Variants in HDAC9 observed in about 807,000 individuals in gnomAD.
The protein encoded by HDAC9 is MEF-2 interacting transcription repressor (MITR) protein.
Under a neutral mutation model 139.4 loss-of-function variants are expected in HDAC9, and 41 were observed. That is an observed-to-expected ratio of 0.29 (90% CI 0.23 to 0.38). The LOEUF (loss-of-function observed/expected upper bound fraction) is 0.38. HDAC9 is among the 10% of genes least tolerant of loss of function. The probability of loss-of-function intolerance (pLI) is 1.00; values close to 1 mark genes in which losing one functional copy is unlikely to be tolerated. For missense variants in HDAC9, 1,147 were observed against 1,297.0 expected (o/e 0.88, Z 1.78); for synonymous variants, 517 against 476.2 (o/e 1.09, Z -1.12).
rs115456527 is a variant in HDAC9, at chr7:18,314,391, G to A, written c.-42+23876G>A. 6.5e-3 allele frequency among the ~76,000 whole-genome samples: 997 copies of A among 152,248 alleles called. 13 individuals carry two copies. The highest frequency in any genetic ancestry group is 0.023 in the African/African-American group (961 of 41,552). On this transcript the variant is annotated intron_variant, in intron 1 of 3. Coordinates refer to the HDAC9 transcript ENST00000413509. ...CCAAGACAGAAAAACAGGAAAAGTC[G>A]GGGAGATAAATTATAAATTAGACTG...
chr7:18,141,491 A>G (rs1785893621), intron 1 of HDAC9, among the ~76,000 whole-genome samples: 1 of 152,158 alleles, frequency 6.6e-6, no homozygotes, highest in South Asian at 2.1e-4. Flanking sequence ...TTCAGAGAGC[A>G]ATATTAAATC....
intron 17 of HDAC9, among the ~76,000 whole-genome samples, chr7:18,809,363 G>A (rs902275791): frequency 4.6e-5 from 7 of 151,992 alleles, no homozygotes; most frequent in Non-Finnish European, 7.4e-5. Context: ...AAAAGCCTCT[G>A]CATAGCAAAG....
At chr7:18,452,416 G>A (rs1458913139) in intron 1 of HDAC9, among the ~76,000 whole-genome samples, 1 of 152,154 alleles carries the variant, frequency 6.6e-6, no homozygotes, top group Admixed American at 6.5e-5. Context: ...CCAATTGAGG[G>A]TCACAACCTG....
Position 18,266,735 on chromosome 7 carries a change from G to C in HDAC9, c.25+104386G>C, listed in dbSNP as rs192296396. 3.9e-5 allele frequency among the ~76,000 whole-genome samples: 6 copies of C among 152,206 alleles called. No homozygotes were observed. In the East Asian group the frequency reaches 1.2e-3, roughly 29 times the overall value. Reference sequence around the variant, plus strand: ...ACCACTGCCTTGATTGTTGATAATTGACAGCAGCAGTTTTACCTGCCATCA... The same window carrying C: ...ACCACTGCCTTGATTGTTGATAATTCACAGCAGCAGTTTTACCTGCCATCA... On this transcript the variant is annotated intron_variant, in intron 2 of 12. Transcript: ENST00000417496.
chr7:18,824,135 G>A (rs750266993), intron 17 of HDAC9, among the ~76,000 whole-genome samples: 17 of 152,070 alleles, frequency 1.1e-4, no homozygotes, highest in African/African-American at 1.9e-4. Flanking sequence ...ACCAGAGCCC[G>A]CTTTGTGAGT....
intron 2 of HDAC9, among the ~76,000 whole-genome samples, chr7:18,574,708 C>T (rs2128752950): frequency 6.6e-6 from 1 of 152,356 alleles, no homozygotes; most frequent in East Asian, 1.9e-4. Context: ...GAGGCCAAGA[C>T]GACAGGGGGC....
intron 1 of HDAC9, among the ~76,000 whole-genome samples, chr7:18,432,471 T>C (rs1171234233): frequency 4.6e-5 from 7 of 152,242 alleles, no homozygotes; most frequent in Non-Finnish European, 7.3e-5. Flanking sequence ...TAAATAAAAA[T>C]GGACATAGAT....
chr7:18,924,137 G>GA (rs771219982), intron 22 of HDAC9, among the ~76,000 whole-genome samples: 2,920 of 137,922 alleles, frequency 0.021, 81 homozygotes, highest in African/African-American at 0.067. Context: ...AAAAAGGAAG[G>GA]AAAAAAAAAA....
In HDAC9 at chr7:18,989,673, T is replaced by C. The variant is rs866562034; in HGVS notation, c.3171-6350T>C. Among the ~76,000 whole-genome samples the C allele has an allele frequency of 3.6e-3, 538 of 150,366 alleles. 1 individual carries two copies. The highest frequency in any genetic ancestry group is 5.5e-3 in the Non-Finnish European group (374 of 67,802). On this transcript the variant is annotated intron_variant, in intron 25 of 25. Transcript: ENST00000686413. Reference sequence around the variant, plus strand: ...TTTTCCAACTTGATTCCATTCTCCCTGTCACTTTCAGGTACACCAATCAGA... The same window carrying C: ...TTTTCCAACTTGATTCCATTCTCCCCGTCACTTTCAGGTACACCAATCAGA...
At chr7:18,718,153 C>T (rs1167601139) in intron 12 of HDAC9, among the ~76,000 whole-genome samples, 2 of 152,190 alleles carry the variant, frequency 1.3e-5, no homozygotes, top group Non-Finnish European at 1.5e-5. Flanking sequence ...TAGGCAACCA[C>T]TAGTCCACTT....
At chr7:18,671,688 C>G (rs1192636037) in intron 12 of HDAC9, among the ~76,000 whole-genome samples, 4 of 151,228 alleles carry the variant, frequency 2.6e-5, no homozygotes, top group Non-Finnish European at 5.9e-5. Context: ...AACCCCAACT[C>G]AAAAAAAAAT....
chr7:18,949,097 T>G (rs1231320580), intron 23 of HDAC9: 4 of 331,818 alleles, frequency 1.2e-5, no homozygotes, highest in Non-Finnish European at 2.3e-5. Flanking sequence ...TTTTTTCTGT[T>G]TTTTGAAGGA....
chr7:18,578,066 C>G (rs1016808538), intron 2 of HDAC9: 1 of 500,796 alleles, frequency 2.0e-6, no homozygotes, highest in Non-Finnish European at 4.0e-6. Flanking sequence ...CTTTTGGGAG[C>G]TAGAATCCCA....
intron 2 of HDAC9, among the ~76,000 whole-genome samples, chr7:18,513,767 C>A (rs1802322943): frequency 6.6e-6 from 1 of 152,158 alleles, no homozygotes; most frequent in South Asian, 2.1e-4. Context: ...TCCCTGCCAT[C>A]CTTAAAAATG....
chr7:18,841,017 C>G, intron 21 of HDAC9, among the ~76,000 whole-genome samples: 1 of 152,050 alleles, frequency 6.6e-6, no homozygotes. Context: ...CAATAATGGT[C>G]AGCCTAGAGA....
intron 1 of HDAC9, among the ~76,000 whole-genome samples, chr7:18,450,191 C>G (rs1291659069): frequency 6.6e-6 from 1 of 152,204 alleles, no homozygotes; most frequent in Non-Finnish European, 1.5e-5. Context: ...CCTTCCAACT[C>G]TGATTGCCTA....
intron 1 of HDAC9, among the ~76,000 whole-genome samples, chr7:18,487,102 A>C (rs1796029377): frequency 6.6e-6 from 1 of 152,046 alleles, no homozygotes; most frequent in South Asian, 2.1e-4. Context: ...TTTATATTGG[A>C]TATAAGGAAA....
intron 17 of HDAC9, among the ~76,000 whole-genome samples, chr7:18,802,343 C>T (rs1458245712): frequency 1.3e-5 from 2 of 151,824 alleles, no homozygotes; most frequent in African/African-American, 2.4e-5. Context: ...GTTATTGACT[C>T]AATTTAAATA....
At chr7:18,994,109 C>T (rs940259885) in intron 25 of HDAC9, among the ~76,000 whole-genome samples, 4 of 152,132 alleles carry the variant, frequency 2.6e-5, no homozygotes, top group African/African-American at 9.7e-5. Context: ...AGATCCTCCA[C>T]CACAGAGACA....
Sources: gnomAD v4.1 joint callset for allele counts (sites outside exome capture counted in the v4.1 genomes callset) on GRCh38, gnomAD v4.1.1 for gene constraint, MANE v1.5 for transcripts, NCBI Gene and HGNC (gene_info 2026-07-23, HGNC 2026-07-21) for gene names.